The following IKZF1 variants were observed in gnomAD, a reference collection of about 807,000 sequenced individuals.
The protein encoded by IKZF1 is IKAROS family zinc finger 1.
IKZF1 carries 10 observed loss-of-function variants against 51.7 expected under a neutral mutation model. The observed-to-expected ratio is 0.19, with a 90% CI of 0.12 to 0.33. IKZF1 has a LOEUF of 0.33. IKZF1 is among the 10% of genes least tolerant of loss of function. The pLI, the probability that IKZF1 is intolerant of heterozygous loss-of-function variation, is 1.00. For synonymous variants in IKZF1, 280 were observed against 282.3 expected (o/e 0.99, Z 0.08); for missense variants, 484 against 707.5 (o/e 0.68, Z 3.58).
At chr7:50,343,729 CA>C (rs1446338875) in intron 3 of IKZF1, among the ~76,000 whole-genome samples, 2 of 152,358 alleles carry the variant, frequency 1.3e-5, no homozygotes, top group South Asian at 4.1e-4. Context: ...AGGCCTAATG[CA>C]CCAGCACACA....
intron 3 of IKZF1, among the ~76,000 whole-genome samples, chr7:50,358,626 A>G (rs1265216773): frequency 6.6e-6 from 1 of 152,214 alleles, no homozygotes; most frequent in Non-Finnish European, 1.5e-5. Context: ...AAACACCTTC[A>G]GGTGGTTGGA....
Position 50,401,354 on chromosome 7 carries a change from T to C in IKZF1, c.*727T>C, listed in dbSNP as rs1818088608. 1 of 229,448 alleles carries C rather than the reference T, an allele frequency of 4.4e-6. No homozygotes were observed. Among genetic ancestry groups the C allele is most frequent in the Non-Finnish European group, 8.6e-6 (1 of 115,630 alleles). The allele number at this position is 229,448 out of a possible 1,614,324, so 14.2% of individuals were successfully genotyped here. A position where few individuals can be genotyped will look rare whatever the true frequency, so the allele number is the denominator to read the frequency against. On this transcript the variant is annotated 3_prime_UTR_variant, in exon 8 of 8. Coordinates refer to ENST00000331340, the MANE Select transcript of IKZF1 (RefSeq NM_006060.6). ...GATTCACTGGCTTTGCGGAGGCTGC[T>C]CAGATGGCCTGAGCCTCCCGAGGCT... is the stretch of plus-strand genomic sequence containing the variant.
At chr7:50,398,774 C>T (rs1257767762) in intron 7 of IKZF1, among the ~76,000 whole-genome samples, 1 of 152,218 alleles carries the variant, frequency 6.6e-6, no homozygotes, top group Non-Finnish European at 1.5e-5. Flanking sequence ...AGGATGGGCT[C>T]ATGTGCTTTG....
intron 3 of IKZF1, among the ~76,000 whole-genome samples, chr7:50,364,138 A>G (rs2153451175): frequency 6.6e-6 from 1 of 152,354 alleles, no homozygotes; most frequent in African/African-American, 2.4e-5. Context: ...ATTTGAAAGT[A>G]GATCAGATCT....
intron 5 of IKZF1, 76 bp from the exon 6 acceptor site, chr7:50,387,269 T>C (rs529440062): frequency 1.3e-6 from 2 of 1,491,896 alleles, no homozygotes; most frequent in South Asian, 2.7e-5. Context: ...TTGGTAATAA[T>C]TGTATTGCAT....
chr7:50,338,822 C>T (rs1377849466), intron 3 of IKZF1, among the ~76,000 whole-genome samples: 1 of 152,208 alleles, frequency 6.6e-6, no homozygotes, highest in Non-Finnish European at 1.5e-5. Flanking sequence ...CCAGATAAGC[C>T]CAGCTTTCTT....
At chr7:50,362,507 C>A (rs1805564638) in intron 3 of IKZF1, among the ~76,000 whole-genome samples, 1 of 152,168 alleles carries the variant, frequency 6.6e-6, no homozygotes, top group African/African-American at 2.4e-5. Flanking sequence ...GTAGCTAATC[C>A]TATGGGTCTT....
At chr7:50,350,644 G>A (rs1389602168) in intron 3 of IKZF1, among the ~76,000 whole-genome samples, 1 of 152,208 alleles carries the variant, frequency 6.6e-6, no homozygotes, top group Non-Finnish European at 1.5e-5. Flanking sequence ...ATTCTGCCTT[G>A]TGCTTAACCG....
intron 6 of IKZF1, 28 bp from the exon 7 acceptor site, chr7:50,391,690 TAAGCCTTTCTA>T: frequency 1.2e-6 from 2 of 1,611,666 alleles, no homozygotes; most frequent in Non-Finnish European, 8.5e-7. Context: ...CCTTTAAACA[TAAGCCTTTCTA>T]AACTGGCCTC....
chr7:50,401,019 GT>G lies in IKZF1; in HGVS notation c.*394del. 2 of 333,198 alleles carry G rather than the reference GT, an allele frequency of 6.0e-6. No individual in the cohort carries two copies. The highest frequency in any genetic ancestry group is 5.5e-5 in the East Asian group (1 of 18,324). 20.6% of individuals were successfully genotyped at this position (333,198 alleles called of 1,614,324 possible). On this transcript the variant is annotated 3_prime_UTR_variant, in exon 8 of 8. Transcript: ENST00000331340. ...TGCTCTACCCTGTGCTAAGCACGGG[GT>G]TCGCGCACCAGGTGTCTTTTTCCAG...
intron 3 of IKZF1, among the ~76,000 whole-genome samples, chr7:50,334,407 G>A (rs1797099449): frequency 1.3e-5 from 2 of 152,022 alleles, no homozygotes; most frequent in Admixed American, 6.5e-5. Flanking sequence ...GTATGTATAT[G>A]TATGTGTGTG....
intron 7 of IKZF1, among the ~76,000 whole-genome samples, chr7:50,394,498 G>C (rs1816126580): frequency 6.6e-6 from 1 of 152,184 alleles, no homozygotes; most frequent in Non-Finnish European, 1.5e-5. Context: ...CCATCCTTCA[G>C]AGTCAGCTCC....
intron 2 of IKZF1, among the ~76,000 whole-genome samples, chr7:50,321,338 C>A (rs181687135): frequency 1.3e-5 from 2 of 152,328 alleles, no homozygotes; most frequent in East Asian, 3.9e-4. Context: ...TCTTTATAGC[C>A]TCTCATTTGG....
rs772748721 is a variant in IKZF1 at position 50,382,498 on chromosome 7, C to T, written c.422-42C>T. 68 of 1,582,118 alleles carry T rather than the reference C, an allele frequency of 4.3e-5. No homozygotes were observed. The Middle Eastern group carries it at 5.0e-4, about 12-fold the overall frequency. On this transcript the variant is annotated intron_variant, in intron 4 of 7. Transcript: ENST00000331340. ...TCGTAGCATCGTCCTCATGTCCCCA[C>T]GCTGAGTTTAGTTCTCACCAGCTCT...
At position 50,380,264 on chromosome 7, in the gene IKZF1, G is replaced by T. The variant is rs111325893; in HGVS notation, c.422-2276G>T. ...AGCATAGGCACTCAGAAGCAAAAAAGGTTTCCAGTGAAATTTGTTTGCAGG... is the reference window on the plus strand; with the variant it reads ...AGCATAGGCACTCAGAAGCAAAAAATGTTTCCAGTGAAATTTGTTTGCAGG... On this transcript the variant is annotated intron_variant, in intron 4 of 7. Transcript: ENST00000331340. Among the ~76,000 whole-genome samples the T allele has an allele frequency of 8.1e-3, 1,237 of 152,308 alleles. 13 individuals carry two copies. The highest frequency in any genetic ancestry group is 0.024 in the African/African-American group (980 of 41,552).
intron 3 of IKZF1, among the ~76,000 whole-genome samples, chr7:50,335,087 A>G (rs1266850875): frequency 1.5e-5 from 2 of 137,414 alleles, no homozygotes; most frequent in Non-Finnish European, 3.1e-5. Context: ...TGTGGTGTGT[A>G]TGGGATATAT....
intron 7 of IKZF1, among the ~76,000 whole-genome samples, chr7:50,395,292 T>A (rs1342731145): frequency 6.6e-6 from 1 of 152,154 alleles, no homozygotes; most frequent in Non-Finnish European, 1.5e-5. Context: ...TATTCCAACT[T>A]ATCATACATG....
intron 3 of IKZF1, among the ~76,000 whole-genome samples, chr7:50,349,479 T>C (rs118050676): frequency 0.021 from 3,140 of 152,168 alleles, 51 homozygotes; most frequent in Non-Finnish European, 0.026. Flanking sequence ...AAGAGATGGA[T>C]GGGGAAAAGG....
chr7:50,385,191 C>T (rs535461019), intron 5 of IKZF1, among the ~76,000 whole-genome samples: 11 of 152,208 alleles, frequency 7.2e-5, no homozygotes, highest in East Asian at 1.9e-4. Context: ...TCTGTCTGTC[C>T]GAAAATGCTA....
Sources: allele counts gnomAD v4.1 joint callset (sites outside exome capture counted in the v4.1 genomes callset), GRCh38; gene constraint gnomAD v4.1.1; transcripts MANE v1.5; gene names NCBI Gene and HGNC (gene_info 2026-07-23, HGNC 2026-07-21).